RBFOX1: variants seen among roughly 807,000 people sequenced by gnomAD.
RBFOX1 encodes the protein RNA binding protein fox-1 homolog 1.
A neutral mutation model predicts 57.7 loss-of-function variants in RBFOX1; 8 were observed. The ratio of observed to expected loss-of-function variants is 0.14; its 90% CI spans 0.08 to 0.25. RBFOX1 has a LOEUF of 0.25. RBFOX1 is among the 10% of genes least tolerant of loss of function. RBFOX1 has a pLI of 1.00. For missense variants in RBFOX1, 611 were observed against 548.5 expected (o/e 1.11, Z -1.14); for synonymous variants, 326 against 222.4 (o/e 1.47, Z -4.15).
chr16:7,120,040 TAAAATA>T (rs1417793078), intron 4 of RBFOX1, among the ~76,000 whole-genome samples: 1 of 83,766 alleles, frequency 1.2e-5, no homozygotes, highest in Non-Finnish European at 3.1e-5. Context: ...ATCAGTAACA[TAAAATA>T]AACTGGAAAA....
intron 3 of RBFOX1, among the ~76,000 whole-genome samples, chr16:5,799,385 G>A (rs1186843116): frequency 6.6e-6 from 1 of 152,158 alleles, no homozygotes; most frequent in Non-Finnish European, 1.5e-5. Flanking sequence ...AACCTCATTG[G>A]TCTGTGGAGA....
At chr16:7,623,012 T>C (rs2059547562) in intron 10 of RBFOX1, among the ~76,000 whole-genome samples, 1 of 152,212 alleles carries the variant, frequency 6.6e-6, no homozygotes, top group South Asian at 2.1e-4. Flanking sequence ...GAAAAATCTG[T>C]CAATTGAAAG....
rs537037492 is a variant in RBFOX1 at position 5,478,990 on chromosome 16, C to G, written c.258+11736C>G. 1.4e-4 allele frequency among the ~76,000 whole-genome samples: 21 copies of G among 152,276 alleles called. No homozygotes were observed. In the East Asian group the frequency reaches 2.9e-3, roughly 21 times the overall value. ...AACTTGTGGCTCCTTTACCCCCTAC[C>G]CATACCTTTATGAATAGTCCTTTTA... On this transcript the variant is annotated intron_variant, in intron 2 of 2. Coordinates refer to the RBFOX1 transcript ENST00000585867.
Position 6,303,584 on chromosome 16 carries a change from G to T in RBFOX1, c.-126-13411G>T, listed in dbSNP as rs147388396. Among the ~76,000 whole-genome samples the T allele has an allele frequency of 2.4e-3, 366 of 151,960 alleles. 3 individuals are homozygous for T. The highest frequency in any genetic ancestry group is 8.5e-3 in the African/African-American group (351 of 41,462). The stretch of plus-strand genomic sequence containing the variant: ...TTTTGTCTCTTTCTTTTCCTTCTCC[G>T]CTCTGGTCCAGTTTATGCCATTGTG... On this transcript the variant is annotated intron_variant, in intron 1 of 15. Coordinates refer to ENST00000550418, the MANE Select transcript of RBFOX1 (RefSeq NM_018723.4).
At chr16:6,353,760 G>A (rs1295611613) in intron 2 of RBFOX1, among the ~76,000 whole-genome samples, 1 of 152,146 alleles carries the variant, frequency 6.6e-6, no homozygotes, top group Non-Finnish European at 1.5e-5. Flanking sequence ...CAAGCGAACG[G>A]TGAGTTTAAT....
chr16:5,439,843 A>G (rs928091801), intron 1 of RBFOX1, among the ~76,000 whole-genome samples: 4 of 152,136 alleles, frequency 2.6e-5, no homozygotes, highest in Non-Finnish European at 5.9e-5. Context: ...CCTTCTTCAC[A>G]TGGCAGCAGG....
At chr16:6,424,091 C>T (rs1307138541) in intron 2 of RBFOX1, among the ~76,000 whole-genome samples, 1 of 152,066 alleles carries the variant, frequency 6.6e-6, no homozygotes, top group Non-Finnish European at 1.5e-5. Context: ...TAACAAAAAT[C>T]AGCCAGATAT....
At chr16:7,555,509 C>G (rs747167349) in intron 5 of RBFOX1, among the ~76,000 whole-genome samples, 2 of 152,156 alleles carry the variant, frequency 1.3e-5, no homozygotes, top group Non-Finnish European at 2.9e-5. Flanking sequence ...TTTTGTAAAT[C>G]TAAAGTTATT....
At chr16:7,210,633 C>G (rs2090945459) in intron 4 of RBFOX1, among the ~76,000 whole-genome samples, 1 of 152,172 alleles carries the variant, frequency 6.6e-6, no homozygotes, top group African/African-American at 2.4e-5. Flanking sequence ...ACAACTGCTA[C>G]TCTGTATTTT....
At chr16:7,183,799 A>G (rs1382131203) in intron 4 of RBFOX1, among the ~76,000 whole-genome samples, 3 of 152,212 alleles carry the variant, frequency 2.0e-5, no homozygotes, top group African/African-American at 7.2e-5. Flanking sequence ...TGGTTCAGCA[A>G]GGAGCTATTT....
chr16:7,377,280 T>C (rs1231067828), intron 4 of RBFOX1, among the ~76,000 whole-genome samples: 4 of 152,228 alleles, frequency 2.6e-5, no homozygotes, highest in Non-Finnish European at 5.9e-5. Flanking sequence ...GAGCAGATGA[T>C]ACTGGGACAC....
At chr16:6,548,413 G>A (rs141589806) in intron 2 of RBFOX1, among the ~76,000 whole-genome samples, 5 of 152,220 alleles carry the variant, frequency 3.3e-5, no homozygotes, top group African/African-American at 9.6e-5. Flanking sequence ...GGCTTTTTAG[G>A]TTTTGTTATG....
intron 2 of RBFOX1, among the ~76,000 whole-genome samples, chr16:5,516,346 CATT>C (rs1045564029): frequency 2.6e-5 from 4 of 152,132 alleles, no homozygotes; most frequent in African/African-American, 9.7e-5. Flanking sequence ...TCCTGTCTCC[CATT>C]ATTTTCTGTC....
In RBFOX1 at chr16:6,474,172, G is replaced by C. The variant is rs181268857; in HGVS notation, c.-64+157115G>C. On this transcript the variant is annotated intron_variant, in intron 2 of 15. Transcript: ENST00000550418. ...GAAAATTAAAAAGGAAGGAAAGAAG[G>C]GAGGGAAAAGGATGGGGACATCATA... Among the ~76,000 whole-genome samples the C allele has an allele frequency of 5.5e-4, 84 of 152,130 alleles. 2 individuals carry two copies. The highest frequency in any genetic ancestry group is 4.4e-3 in the South Asian group (21 of 4,812).
intron 4 of RBFOX1, among the ~76,000 whole-genome samples, chr16:7,163,127 A>C (rs1321419070): frequency 6.6e-6 from 1 of 152,206 alleles, no homozygotes; most frequent in Non-Finnish European, 1.5e-5. Context: ...ATGCATCTGC[A>C]GCTCAACACT....
intron 2 of RBFOX1, among the ~76,000 whole-genome samples, chr16:5,470,885 C>G (rs1324116967): frequency 1.3e-5 from 2 of 152,028 alleles, no homozygotes; most frequent in Non-Finnish European, 2.9e-5. Flanking sequence ...GAGTTTCGCT[C>G]TCGTCACCCA....
At chr16:7,373,952 T>A (rs2097632690) in intron 4 of RBFOX1, among the ~76,000 whole-genome samples, 1 of 152,198 alleles carries the variant, frequency 6.6e-6, no homozygotes, top group Admixed American at 6.5e-5. Context: ...TGAAACTGTA[T>A]CACTTTTGAA....
chr16:6,414,260 A>G (rs182050339), intron 2 of RBFOX1, among the ~76,000 whole-genome samples: 1 of 152,242 alleles, frequency 6.6e-6, no homozygotes, highest in African/African-American at 2.4e-5. Flanking sequence ...TGATAAGTCA[A>G]GTCACCTAAT....
chr16:7,294,477 A>G (rs1398338201), intron 4 of RBFOX1, among the ~76,000 whole-genome samples: 2 of 151,662 alleles, frequency 1.3e-5, no homozygotes, highest in Admixed American at 6.6e-5. Flanking sequence ...CATTGTCTCC[A>G]TAAATTGTCA....
Sources: allele counts gnomAD v4.1 joint callset (sites outside exome capture counted in the v4.1 genomes callset), GRCh38; gene constraint gnomAD v4.1.1; transcripts MANE v1.5; gene names NCBI Gene and HGNC (gene_info 2026-07-23, HGNC 2026-07-21).